Variants in ABLIM1 observed in about 807,000 individuals in gnomAD.
ABLIM1 encodes actin-binding LIM protein 1.
ABLIM1 carries 40 observed loss-of-function variants against 107.0 expected under a neutral mutation model. That is an observed-to-expected ratio of 0.37 (90% CI 0.29 to 0.49). The LOEUF (loss-of-function observed/expected upper bound fraction) is 0.49, where lower values mean the gene tolerates loss of function less well. Among genes scored for constraint, ABLIM1 ranks in the 20% least tolerant of loss-of-function variants. ABLIM1 has a pLI of 0.97. For missense variants in ABLIM1, 857 were observed against 1,008.5 expected, an observed-to-expected ratio of 0.85 and a Z score of 2.04; for synonymous variants, 357 against 357.3, an observed-to-expected ratio of 1.00 and a Z score of 0.01.
intron 2 of ABLIM1, among the ~76,000 whole-genome samples, chr10:114,577,078 T>C (rs970817847): frequency 1.6e-4 from 24 of 152,156 alleles, no homozygotes; most frequent in Non-Finnish European, 5.9e-5. Flanking sequence ...ATAGGCAGTC[T>C]GGGGGTAGCG....
intron 1 of ABLIM1, among the ~76,000 whole-genome samples, chr10:114,764,047 A>G (rs2082820364): frequency 6.6e-6 from 1 of 152,168 alleles, no homozygotes; most frequent in South Asian, 2.1e-4. Context: ...AGGCCTGGGA[A>G]TCTATATTTT....
intron 1 of ABLIM1, among the ~76,000 whole-genome samples, chr10:114,647,281 G>A (rs898309351): frequency 2.1e-5 from 3 of 145,666 alleles, no homozygotes; most frequent in Non-Finnish European, 4.4e-5. Flanking sequence ...TTACAGGCGT[G>A]AGCCACCGTG....
intron 1 of ABLIM1, among the ~76,000 whole-genome samples, chr10:114,708,042 T>A (rs2081463109): frequency 6.6e-6 from 1 of 152,180 alleles, no homozygotes; most frequent in South Asian, 2.1e-4. Flanking sequence ...TTACATGTGG[T>A]GCTGCAGACA....
chr10:114,704,229 G>A (rs949409562), intron 1 of ABLIM1, among the ~76,000 whole-genome samples: 4 of 140,188 alleles, frequency 2.9e-5, no homozygotes, highest in Admixed American at 7.2e-5. Flanking sequence ...TTAGTGACTC[G>A]AACAATCTCT....
At chr10:114,756,740 T>C (rs1566308932) in intron 1 of ABLIM1, among the ~76,000 whole-genome samples, 1 of 152,234 alleles carries the variant, frequency 6.6e-6, no homozygotes, top group Non-Finnish European at 1.5e-5. Context: ...CACTTCTCCA[T>C]TTGGCAAATT....
intron 6 of ABLIM1, among the ~76,000 whole-genome samples, chr10:114,505,753 C>T (rs879123664): frequency 4.3e-4 from 65 of 152,180 alleles, no homozygotes; most frequent in Middle Eastern, 3.2e-3. Flanking sequence ...CTCTAAAGTA[C>T]ATTCCAGCTC....
At chr10:114,483,295 G>A (rs1049455275) in intron 8 of ABLIM1, among the ~76,000 whole-genome samples, 2 of 151,918 alleles carry the variant, frequency 1.3e-5, no homozygotes, top group Non-Finnish European at 2.9e-5. Context: ...TTTTGAGACA[G>A]GGTCTCACTC....
chr10:114,498,413 G>A (rs1470429273), intron 6 of ABLIM1, among the ~76,000 whole-genome samples: 4 of 152,164 alleles, frequency 2.6e-5, no homozygotes, highest in African/African-American at 9.7e-5. Context: ...AATGCCCTAA[G>A]CCCTGAGCCC....
intron 20 of ABLIM1, 114 bp from the exon 21 acceptor site, chr10:114,439,364 T>C: frequency 9.8e-7 from 1 of 1,016,800 alleles, no homozygotes; most frequent in South Asian, 1.3e-5. Flanking sequence ...ACTATTTTAT[T>C]TGTGTCATCT....
chr10:114,678,990 A>T (rs2080617283), intron 1 of ABLIM1, among the ~76,000 whole-genome samples: 2 of 152,106 alleles, frequency 1.3e-5, no homozygotes, highest in African/African-American at 4.8e-5. Flanking sequence ...GCCCTTTGCC[A>T]TGTAACTTTG....
At chr10:114,613,780 A>C in intron 1 of ABLIM1, 1 of 1,284,940 alleles carries the variant, frequency 7.8e-7, no homozygotes, top group Non-Finnish European at 1.0e-6. Context: ...CTCTCTAAAC[A>C]CCTAGGCTCC....
At chr10:114,691,830 A>AC (rs149049600) in intron 1 of ABLIM1, among the ~76,000 whole-genome samples, 3,749 of 152,194 alleles carry the variant, frequency 0.025, 143 homozygotes, top group African/African-American at 0.085. Context: ...ACATAGCTTC[A>AC]CCCCCAGAGA....
chr10:114,666,841 T>C (rs2080045697), intron 1 of ABLIM1, among the ~76,000 whole-genome samples: 1 of 152,224 alleles, frequency 6.6e-6, no homozygotes, highest in South Asian at 2.1e-4. Flanking sequence ...AATGGTGGCA[T>C]ATATATAAAG....
intron 8 of ABLIM1, among the ~76,000 whole-genome samples, chr10:114,477,584 T>C (rs1330531190): frequency 6.6e-6 from 1 of 152,214 alleles, no homozygotes; most frequent in African/African-American, 2.4e-5. Context: ...TTGTACTGCA[T>C]GTACTGGTAG....
At chr10:114,451,566 A>C in intron 14 of ABLIM1, 58 bp downstream of exon 14, 1 of 1,497,996 alleles carries the variant, frequency 6.7e-7, no homozygotes. Context: ...GAGGACAGCA[A>C]GGAGAAGTTC....
chr10:114,727,977 T>G (rs1179020362), intron 1 of ABLIM1, among the ~76,000 whole-genome samples: 1 of 152,100 alleles, frequency 6.6e-6, no homozygotes, highest in East Asian at 1.9e-4. Context: ...AAAAACAAAC[T>G]GGGAGATGTG....
At chr10:114,632,967 G>A (rs1035129279) in intron 1 of ABLIM1, among the ~76,000 whole-genome samples, 1 of 152,072 alleles carries the variant, frequency 6.6e-6, no homozygotes, top group African/African-American at 2.4e-5. Context: ...GTGAGCTGAG[G>A]ACTTCTGGTT....
chr10:114,758,551 A>G (rs2082679250), intron 1 of ABLIM1, among the ~76,000 whole-genome samples: 1 of 152,168 alleles, frequency 6.6e-6, no homozygotes, highest in South Asian at 2.1e-4. Context: ...TTTAAAAATT[A>G]TGGCTCTGTC....
intron 6 of ABLIM1, among the ~76,000 whole-genome samples, chr10:114,522,697 G>C (rs570057121): frequency 6.6e-6 from 1 of 152,220 alleles, no homozygotes; most frequent in African/African-American, 2.4e-5. Context: ...ACACAAACAC[G>C]TATTTGCTAA....
Sources: allele counts gnomAD v4.1 joint callset (sites outside exome capture counted in the v4.1 genomes callset), GRCh38; gene constraint gnomAD v4.1.1; transcripts MANE v1.5; gene names NCBI Gene and HGNC (gene_info 2026-07-23, HGNC 2026-07-21).